Variants in USH2A observed in about 807,000 individuals in gnomAD.
The protein encoded by USH2A is Usher syndrome 2A (autosomal recessive, mild).
USH2A carries 443 observed loss-of-function variants against 538.9 expected under a neutral mutation model. The observed-to-expected ratio is 0.82, with a 90% CI of 0.76 to 0.89. USH2A has a LOEUF of 0.89. Among genes scored for constraint, USH2A ranks in the 40% least tolerant of loss-of-function variants. The pLI, the probability that USH2A is intolerant of heterozygous loss-of-function variation, is 0.00. For missense variants in USH2A, 6,633 were observed against 6,324.8 expected (o/e 1.05, Z -1.65); for synonymous variants, 2,413 against 2,273.5 (o/e 1.06, Z -1.75).
rs139866676 is a variant in USH2A at position 216,336,815 on chromosome 1, A to C, written c.785-9161T>G. 7.3e-5 allele frequency among the ~76,000 whole-genome samples: 11 copies of C among 151,634 alleles called. No homozygotes were observed. In the East Asian group the frequency reaches 1.9e-3, roughly 27 times the overall value. ...CTAAAACTATAATATAGCTAGAAAA[A>C]ATTACAGGAAAATTCTTTGTGACCT... On this transcript the variant is annotated intron_variant, in intron 4 of 71. Transcript: ENST00000307340.
chr1:215,896,494 C>T (rs1665344953), intron 40 of USH2A, among the ~76,000 whole-genome samples: 1 of 151,930 alleles, frequency 6.6e-6, no homozygotes, highest in Non-Finnish European at 1.5e-5. Flanking sequence ...GCTGGGGAAT[C>T]CACAATTTTA....
At chr1:216,096,239 A>G (rs553508419) in intron 22 of USH2A, among the ~76,000 whole-genome samples, 3 of 152,296 alleles carry the variant, frequency 2.0e-5, no homozygotes, top group South Asian at 4.1e-4. Context: ...GTTCCCAGCC[A>G]TAAGAGATTC....
chr1:216,207,400 TTG>T lies in USH2A; in HGVS notation c.3187_3188del (p.Gln1063SerfsTer15), dbSNP rs886039450. 2.4e-5 allele frequency: 39 copies of T among 1,613,924 alleles called. No individual in the cohort carries two copies. Among genetic ancestry groups the T allele is most frequent in the African/African-American group, 4.0e-5 (3 of 74,930 alleles). ...GATTGATAGCAGAAGAACTTTGAAC[TTG>T]TCCTCTGGGCGGAGGTTGCTGGAAT... Reference protein sequence around the residue: ...TPFQQPPPRGQVQSSSAINLS... With the variant: ...TPFQQPPPRGXVQSSSAINLS... On this transcript the variant is annotated frameshift_variant, in exon 16 of 72. Transcript: ENST00000307340. LOFTEE classifies it high-confidence loss of function.
chr1:216,374,901 G>A (rs1474597643), intron 3 of USH2A, among the ~76,000 whole-genome samples: 3 of 152,058 alleles, frequency 2.0e-5, no homozygotes, highest in African/African-American at 7.2e-5. Context: ...AGGAATCCTG[G>A]TTCCTCTAAG....
intron 21 of USH2A, among the ~76,000 whole-genome samples, chr1:216,160,641 G>A (rs2034039600): frequency 1.3e-5 from 2 of 151,966 alleles, no homozygotes; most frequent in Non-Finnish European, 2.9e-5. Flanking sequence ...TATAGCCCAG[G>A]ATATTAACTA....
At chr1:216,401,768 T>C (rs1266659064) in intron 3 of USH2A, among the ~76,000 whole-genome samples, 1 of 152,082 alleles carries the variant, frequency 6.6e-6, no homozygotes, top group Non-Finnish European at 1.5e-5. Context: ...TAAACATGTA[T>C]GCACCTAACA....
At chr1:216,221,199 T>C (rs958270929) in intron 14 of USH2A, among the ~76,000 whole-genome samples, 4 of 152,150 alleles carry the variant, frequency 2.6e-5, no homozygotes, top group Non-Finnish European at 5.9e-5. Context: ...TTAGCTCTTT[T>C]GAGCCCCTTT....
chr1:215,811,101 A>G (rs1463343014), intron 49 of USH2A, among the ~76,000 whole-genome samples: 1 of 152,192 alleles, frequency 6.6e-6, no homozygotes, highest in Admixed American at 6.5e-5. Flanking sequence ...GACCTAACCA[A>G]TTCCATCTTG....
At chr1:216,379,319 C>A (rs2038891349) in intron 3 of USH2A, among the ~76,000 whole-genome samples, 1 of 152,190 alleles carries the variant, frequency 6.6e-6, no homozygotes, top group African/African-American at 2.4e-5. Flanking sequence ...CTAATTTCAT[C>A]TGCTTTCTTC....
At chr1:215,740,455 G>T (rs1337754002) in intron 60 of USH2A, among the ~76,000 whole-genome samples, 1 of 150,842 alleles carries the variant, frequency 6.6e-6, no homozygotes, top group Non-Finnish European at 1.5e-5. Flanking sequence ...ATTTTAGGTA[G>T]GTACACTTAA....
At chr1:215,930,398 A>C (rs549836402) in intron 38 of USH2A, among the ~76,000 whole-genome samples, 1 of 151,930 alleles carries the variant, frequency 6.6e-6, no homozygotes, top group South Asian at 2.1e-4. Flanking sequence ...ATTTCAGTTC[A>C]TCTGGAAAAA....
chr1:215,926,704 G>A (rs980376409), intron 38 of USH2A, among the ~76,000 whole-genome samples: 2 of 129,624 alleles, frequency 1.5e-5, no homozygotes, highest in East Asian at 2.5e-4. Context: ...TGTAACCTCC[G>A]CCTTTCGGGT....
At chr1:215,726,695 A>T (rs1241387891) in intron 61 of USH2A, among the ~76,000 whole-genome samples, 1 of 152,180 alleles carries the variant, frequency 6.6e-6, no homozygotes, top group African/African-American at 2.4e-5. Flanking sequence ...CATATTTAAT[A>T]AGGTCTTGGC....
intron 35 of USH2A, among the ~76,000 whole-genome samples, chr1:215,984,532 T>C (rs1667825901): frequency 6.6e-6 from 1 of 152,190 alleles, no homozygotes; most frequent in Admixed American, 6.5e-5. Context: ...ATGATAATTG[T>C]CCATAAAGCA....
chr1:216,421,215 G>A (rs182370718), intron 2 of USH2A, among the ~76,000 whole-genome samples: 1 of 152,222 alleles, frequency 6.6e-6, no homozygotes, highest in East Asian at 1.9e-4. Flanking sequence ...TGAACAGCAT[G>A]AAAGCTTTTG....
At chr1:216,063,655 CA>C (rs1188982917) in intron 30 of USH2A, among the ~76,000 whole-genome samples, 2 of 152,078 alleles carry the variant, frequency 1.3e-5, no homozygotes, top group African/African-American at 4.8e-5. Context: ...ATTATAAAAA[CA>C]AGTATGAATG....
rs1200692232 is a variant in USH2A at position 215,759,711 on chromosome 1, C to A, written c.11180G>T (p.Gly3727Val). The change falls in exon 57 of 72, where the codon GGT becomes GTT. Residue 3727 changes from glycine (G) to valine (V), a missense_variant. Gly to Val is a moderately radical substitution (Grantham distance 109). Transcript: ENST00000307340. ...LSRNGNLLFLGGSEEQNFTDK... is the reference protein window; with the variant it reads ...LSRNGNLLFLVGSEEQNFTDK... Reference sequence around the variant, plus strand: ...AGTGAAATTCTGCTCCTCACTGCCACCCAGGAAAAGCAAGTTTCCATTACG... The same window carrying A: ...AGTGAAATTCTGCTCCTCACTGCCAACCAGGAAAAGCAAGTTTCCATTACG... 2 of 1,614,016 alleles carry A rather than the reference C, an allele frequency of 1.2e-6. No homozygotes were observed. Among genetic ancestry groups the A allele is most frequent in the Admixed American group, 3.3e-5 (2 of 60,012 alleles).
Position 215,845,903 on chromosome 1 carries a change from C to G in USH2A, c.8976G>C (p.Glu2992Asp). 1.2e-6 allele frequency: 2 copies of G among 1,613,942 alleles called. No individual in the cohort carries two copies. The highest frequency in any genetic ancestry group is 1.7e-6 in the Non-Finnish European group (2 of 1,179,942). ...HVIGHLKPNTEYWIFISVFNG... is the reference protein window; with the variant it reads ...HVIGHLKPNTDYWIFISVFNG... ...TGAAGACAGAGATAAAGATCCAATA[C>G]TCTGTGTTTGGCTTTAGGTGGCCAA... is the stretch of plus-strand genomic sequence containing the variant. The change falls in exon 45 of 72, where the codon GAG becomes GAC. Residue 2992 changes from glutamate to aspartate, a missense_variant. By Grantham distance (45) the Glu-to-Asp change is conservative. Coordinates refer to ENST00000307340, the MANE Select transcript of USH2A (RefSeq NM_206933.4).
chr1:215,648,617 T>A lies in USH2A; in HGVS notation c.14493A>T (p.Gly4831=), dbSNP rs113716139. ...GCGTCCCGATTTGTGGAGAGGACAG[T>A]CCTGAGGGTGGGGCAGGATGGGTTC... ...ELRTHPAPPS[G]LSSPQIGTLA... is the part of the protein sequence containing the mutation. Residue 4831 remains glycine (G), a synonymous_variant, in exon 66 of 72, where the codon GGA becomes GGT. Transcript: ENST00000307340. 44 of 1,614,170 alleles carry A rather than the reference T, an allele frequency of 2.7e-5. 1 individual carries two copies. Among genetic ancestry groups the A allele is most frequent in the African/African-American group, 2.3e-4 (17 of 75,046 alleles).
Sources: allele counts gnomAD v4.1 joint callset (sites outside exome capture counted in the v4.1 genomes callset), GRCh38; gene constraint gnomAD v4.1.1; transcripts MANE v1.5; gene names NCBI Gene and HGNC (gene_info 2026-07-23, HGNC 2026-07-21).